The following BCAS1 variants were observed in gnomAD, a reference collection of about 807,000 sequenced individuals.
BCAS1 encodes the protein brain enriched myelin associated protein 1, also known as breast carcinoma-amplified sequence 1.
A neutral mutation model predicts 65.4 loss-of-function variants in BCAS1; 46 were observed. That is an observed-to-expected ratio of 0.70 (90% CI 0.55 to 0.90). The LOEUF (loss-of-function observed/expected upper bound fraction) is 0.90, where lower values mean the gene tolerates loss of function less well. Ranked by LOEUF, BCAS1 falls within the 40% of genes least tolerant of loss-of-function variation. BCAS1 has a pLI of 0.00. For missense variants in BCAS1, 793 were observed against 771.2 expected (o/e 1.03, Z -0.33); for synonymous variants, 298 against 293.5 (o/e 1.02, Z -0.16).
At chr20:53,959,343 T>C (rs1201180647) in intron 10 of BCAS1, among the ~76,000 whole-genome samples, 1 of 151,906 alleles carries the variant, frequency 6.6e-6, no homozygotes, top group Non-Finnish European at 1.5e-5. Context: ...AGCTTCTGCC[T>C]CCCAGGTTCA....
At chr20:54,052,239 C>T (rs755121142) in intron 3 of BCAS1, among the ~76,000 whole-genome samples, 3 of 152,158 alleles carry the variant, frequency 2.0e-5, no homozygotes, top group African/African-American at 4.8e-5. Context: ...CAAAGTTTCT[C>T]GATGCCCCTC....
At chr20:53,953,986 T>A (rs996999677) in intron 11 of BCAS1, among the ~76,000 whole-genome samples, 1 of 152,210 alleles carries the variant, frequency 6.6e-6, no homozygotes. Context: ...GGAAACACCC[T>A]TCTTCCTCAT....
At position 54,058,696 on chromosome 20, in the gene BCAS1, G is replaced by T; in HGVS notation, c.23C>A (p.Pro8His). The T allele has an allele frequency of 6.2e-7, 1 of 1,611,180 alleles. No homozygotes were observed. ...ATTCTCTTGGTCTTCAACTCTTTGGGGAACACTCATTTGGTTACCCATTGC... is the reference window on the plus strand; with the variant it reads ...ATTCTCTTGGTCTTCAACTCTTTGGTGAACACTCATTTGGTTACCCATTGC... MGNQMSVPQRVEDQENEP... is the reference protein window; with the variant it reads MGNQMSVHQRVEDQENEP... The change falls in exon 2 of 13, where the codon CCC becomes CAC. Residue 8 changes from proline (P) to histidine (H), a missense_variant. Coordinates refer to ENST00000688948, the MANE Select transcript of BCAS1 (RefSeq NM_001366298.2).
At chr20:54,007,878 G>A (rs939733219) in intron 4 of BCAS1, among the ~76,000 whole-genome samples, 4 of 152,186 alleles carry the variant, frequency 2.6e-5, no homozygotes, top group African/African-American at 7.2e-5. Flanking sequence ...CTGAAAGGTG[G>A]AGAAGAGAAG....
At chr20:53,959,506 G>A (rs929957176) in intron 10 of BCAS1, among the ~76,000 whole-genome samples, 7 of 152,032 alleles carry the variant, frequency 4.6e-5, no homozygotes, top group African/African-American at 1.7e-4. Context: ...CACCCGCCTC[G>A]GCCTCCCAAA....
At chr20:54,041,904 TCC>T (rs796843830) in intron 3 of BCAS1, among the ~76,000 whole-genome samples, 1 of 30,904 alleles carries the variant, frequency 3.2e-5, no homozygotes, top group Non-Finnish European at 6.9e-5. Context: ...AGACTCTGTC[TCC>T]CCCAAAAAAA....
intron 9 of BCAS1, among the ~76,000 whole-genome samples, chr20:53,967,565 T>G (rs963918074): frequency 2.6e-5 from 4 of 152,234 alleles, no homozygotes; most frequent in African/African-American, 9.6e-5. Context: ...TAAAAACCAC[T>G]GAATTTAATT....
At chr20:53,992,688 G>A (rs951415191) in intron 6 of BCAS1, 42 bp from the exon 7 acceptor site, 2 of 1,361,368 alleles carry the variant, frequency 1.5e-6, no homozygotes, top group Non-Finnish European at 2.0e-6. Context: ...CTTTGTTTTT[G>A]AACAAAATTC....
chr20:54,019,401 G>A (rs936062913), intron 4 of BCAS1, among the ~76,000 whole-genome samples: 2 of 152,198 alleles, frequency 1.3e-5, no homozygotes, highest in African/African-American at 4.8e-5. Context: ...AAAGCAAATA[G>A]ATTTTCTGAA....
intron 4 of BCAS1, among the ~76,000 whole-genome samples, chr20:53,998,649 T>C (rs769860085): frequency 1.3e-5 from 2 of 152,226 alleles, no homozygotes; most frequent in Non-Finnish European, 2.9e-5. Context: ...GGGATTACAA[T>C]TCAACATGAG....
chr20:54,017,232 A>G (rs1323144353), intron 4 of BCAS1, among the ~76,000 whole-genome samples: 1 of 152,136 alleles, frequency 6.6e-6, no homozygotes, highest in African/African-American at 2.4e-5. Flanking sequence ...TGAATTTGTC[A>G]ACTTGAGTTC....
intron 3 of BCAS1, among the ~76,000 whole-genome samples, chr20:54,046,364 C>T (rs1426954366): frequency 6.6e-6 from 1 of 151,668 alleles, no homozygotes; most frequent in Non-Finnish European, 1.5e-5. Flanking sequence ...CCCGTCTGTA[C>T]TAAAAATACA....
At chr20:53,952,543 C>T (rs2089561233) in intron 12 of BCAS1, among the ~76,000 whole-genome samples, 1 of 152,254 alleles carries the variant, frequency 6.6e-6, no homozygotes. Flanking sequence ...CTGAGGCAGT[C>T]TCCTTACTCC....
intron 4 of BCAS1, among the ~76,000 whole-genome samples, chr20:53,996,303 C>T (rs547429107): frequency 2.9e-4 from 44 of 152,048 alleles, no homozygotes; most frequent in Admixed American, 1.0e-3. Context: ...CAGCAGTGCA[C>T]GTTGCATTTC....
At chr20:54,035,479 G>C (rs2091885391) in intron 3 of BCAS1, among the ~76,000 whole-genome samples, 1 of 149,058 alleles carries the variant, frequency 6.7e-6, no homozygotes, top group Non-Finnish European at 1.5e-5. Context: ...CTAATCATCA[G>C]AGAAATGCAA....
chr20:53,967,045 A>G lies in BCAS1; in HGVS notation c.1346T>C (p.Ile449Thr). The G allele has an allele frequency of 1.2e-6, 2 of 1,611,570 alleles. No individual in the cohort carries two copies. The highest frequency in any genetic ancestry group is 1.7e-6 in the Non-Finnish European group (2 of 1,178,960). Reference protein sequence around the residue: ...NVVCESPVEIIKSKEVESALQ... With the variant: ...NVVCESPVEITKSKEVESALQ... Reference sequence around the variant, plus strand: ...GGCTGATTCTACTTCCTTGGACTTTATAATCTCTACTGGTGACTCACACAC... The same window carrying G: ...GGCTGATTCTACTTCCTTGGACTTTGTAATCTCTACTGGTGACTCACACAC... Residue 449 changes from isoleucine to threonine, a missense_variant, in exon 10 of 13, where the codon ATA becomes ACA. Ile to Thr is a moderately conservative substitution (Grantham distance 89). Transcript: ENST00000688948.
intron 1 of BCAS1, among the ~76,000 whole-genome samples, chr20:54,059,581 A>C (rs1002214388): frequency 6.6e-6 from 1 of 151,876 alleles, no homozygotes; most frequent in African/African-American, 2.4e-5. Context: ...ACATATGGTC[A>C]TGTGTCACTT....
At position 54,028,297 on chromosome 20, in the gene BCAS1, A is replaced by T. The variant is rs1056200022; in HGVS notation, c.723+95T>A. The T allele has an allele frequency of 3.8e-6, 5 of 1,322,606 alleles. No individual in the cohort carries two copies. The African/African-American group carries it at 7.2e-5, about 19-fold the overall frequency. 81.9% of individuals were successfully genotyped at this position (1,322,606 alleles called of 1,614,324 possible). On this transcript the variant is annotated intron_variant, in intron 4 of 12. Coordinates refer to ENST00000688948, the MANE Select transcript of BCAS1 (RefSeq NM_001366298.2). Reference sequence around the variant, plus strand: ...GGGTCAACAGCTTGCCACCTTGCCTAGGCCCAGGGTGACTGCATATGTGCA... The same window carrying T: ...GGGTCAACAGCTTGCCACCTTGCCTTGGCCCAGGGTGACTGCATATGTGCA...
chr20:53,954,613 T>C (rs913821392), intron 11 of BCAS1, among the ~76,000 whole-genome samples: 3 of 152,260 alleles, frequency 2.0e-5, no homozygotes, highest in African/African-American at 7.2e-5. Context: ...CAATCCCACA[T>C]GCTTCCAATA....
Sources: allele counts gnomAD v4.1 joint callset (sites outside exome capture counted in the v4.1 genomes callset), GRCh38; gene constraint gnomAD v4.1.1; transcripts MANE v1.5; gene names NCBI Gene and HGNC (gene_info 2026-07-23, HGNC 2026-07-21).